LLGL1: variants seen among roughly 807,000 people sequenced by gnomAD.
LLGL1 encodes lethal(2) giant larvae protein homolog 1.
LLGL1 carries 58 observed loss-of-function variants against 110.6 expected under a neutral mutation model. The ratio of observed to expected loss-of-function variants is 0.52; its 90% CI spans 0.42 to 0.65. LLGL1 has a LOEUF of 0.65. Among genes scored for constraint, LLGL1 ranks in the 30% least tolerant of loss-of-function variants. The pLI is 0.00. For missense variants in LLGL1, 1,229 were observed against 1,462.1 expected, an observed-to-expected ratio of 0.84 and a Z score of 2.60; for synonymous variants, 674 against 607.2, an observed-to-expected ratio of 1.11 and a Z score of -1.62.
chr17:18,234,236 C>T, intron 6 of LLGL1, 37 bp from the exon 7 acceptor site: 1 of 1,596,844 alleles, frequency 6.3e-7, no homozygotes, highest in Non-Finnish European at 8.5e-7. Flanking sequence ...CACCATGGCT[C>T]ATGCCTGCCT....
In LLGL1 at chr17:18,241,594, C is replaced by T. The variant is rs377161840; in HGVS notation, c.2646C>T (p.Thr882=). ...CTGAGACCTGCCTGGCCTGCCTCAC[C>T]AACCTGGGTGACGTCCACGTCTTCT... is the stretch of plus-strand genomic sequence containing the variant. ...DYAETCLACL[T]NLGDVHVFSV... The change falls in exon 18 of 23, where the codon ACC becomes ACT. Residue 882 remains threonine (T), a synonymous_variant. Coordinates refer to ENST00000316843, the MANE Select transcript of LLGL1 (RefSeq NM_004140.4). The T allele has an allele frequency of 8.7e-5, 141 of 1,613,736 alleles. No homozygotes were observed. The highest frequency in any genetic ancestry group is 1.2e-4 in the Admixed American group (7 of 60,010).
chr17:18,234,039 A>G lies in LLGL1; in HGVS notation c.578A>G (p.Lys193Arg). ...GTGCCAGACGACTACCGCTGTGGGAAGGCACTGGGCCCCGTGGAGTCACTC... is the reference window on the plus strand; with the variant it reads ...GTGCCAGACGACTACCGCTGTGGGAGGGCACTGGGCCCCGTGGAGTCACTC... The part of the protein sequence containing the change: ...RSVPDDYRCG[K>R]ALGPVESLQG... The change falls in exon 6 of 23, where the codon AAG (lysine) becomes AGG (arginine). Residue 193 changes from lysine to arginine, a missense_variant. Physicochemically the swap from Lys to Arg is conservative, Grantham distance 26. Transcript: ENST00000316843. The G allele has an allele frequency of 6.3e-7, 1 of 1,595,848 alleles. No individual in the cohort carries two copies. The highest frequency in any genetic ancestry group is 8.6e-7 in the Non-Finnish European group (1 of 1,167,584).
At position 18,232,695 on chromosome 17, in the gene LLGL1, T is replaced by A; in HGVS notation, c.285T>A (p.Asp95Glu). ...TGQGRLLSLL[D>E]DSSLHLWEIV... ...AGGGCCGCCTCCTGTCCCTGCTTGA[T>A]GACAGCAGTCTGCATCTCTGGGAGA... Residue 95 changes from aspartate (D) to glutamate (E), a missense_variant, in exon 4 of 23, where the codon GAT becomes GAA. Transcript: ENST00000316843. 2 of 1,614,186 alleles carry A rather than the reference T, an allele frequency of 1.2e-6. No individual in the cohort carries two copies. The highest frequency in any genetic ancestry group is 1.7e-6 in the Non-Finnish European group (2 of 1,180,012).
intron 2 of LLGL1, among the ~76,000 whole-genome samples, chr17:18,230,482 G>C (rs1297318447): frequency 3.3e-4 from 50 of 152,120 alleles, no homozygotes; most frequent in Non-Finnish European, 4.4e-5. Flanking sequence ...GGCAGTGCCA[G>C]GCTCGGCATG....
rs753445679 is a variant in LLGL1, at chr17:18,235,058, G to A, written c.1061-31G>A. On this transcript the variant is annotated intron_variant, in intron 9 of 22. Coordinates refer to ENST00000316843, the MANE Select transcript of LLGL1 (RefSeq NM_004140.4). ...CTGGTGCCCTCTGCCACCTATGGCT[G>A]TGCTCACCCCATACTCCCTCCGTCC... 7 of 1,613,616 alleles carry A rather than the reference G, an allele frequency of 4.3e-6. No individual in the cohort carries two copies. In the Admixed American group the frequency reaches 1.0e-4, roughly 23 times the overall value.
intron 1 of LLGL1, among the ~76,000 whole-genome samples, 192 bp from the exon 2 acceptor site, chr17:18,229,749 C>T (rs1301017990): frequency 1.3e-5 from 2 of 152,188 alleles, no homozygotes; most frequent in African/African-American, 2.4e-5. Context: ...GTTTAGCCAC[C>T]TCCCCACCAA....
intron 1 of LLGL1, among the ~76,000 whole-genome samples, chr17:18,229,094 G>C (rs945846033): frequency 6.6e-6 from 1 of 152,188 alleles, no homozygotes; most frequent in South Asian, 2.1e-4. Context: ...AGTGGCCCAC[G>C]TGGGTGTCCT....
At chr17:18,230,761 C>T (rs769561684) in intron 2 of LLGL1, among the ~76,000 whole-genome samples, 4 of 152,126 alleles carry the variant, frequency 2.6e-5, no homozygotes, top group Non-Finnish European at 4.4e-5. Context: ...TGGTTTCAGA[C>T]ATCAGTTCCC....
chr17:18,227,067 C>T (rs926350895), intron 1 of LLGL1, among the ~76,000 whole-genome samples: 1 of 152,184 alleles, frequency 6.6e-6, no homozygotes, highest in African/African-American at 2.4e-5. Context: ...TGGTCCTGGG[C>T]CAGTGTTGTG....
At chr17:18,242,968 G>A (rs2047880735) in intron 22 of LLGL1, 146 bp downstream of exon 22, 1 of 740,644 alleles carries the variant, frequency 1.4e-6, no homozygotes, top group Admixed American at 3.0e-5. Flanking sequence ...TGCCTTCCAT[G>A]GAGTGCCTCA....
chr17:18,242,222 T>A lies in LLGL1; in HGVS notation c.2939T>A (p.Leu980Gln). The change falls in exon 20 of 23, where the codon CTG (leucine) becomes CAG (glutamine). Residue 980 changes from leucine (L) to glutamine (Q), a missense_variant. Transcript: ENST00000316843. ...LSQANGTPSI[L>Q]LAPQSLDGSP... ...CAGGCTAACGGGACCCCAAGCATCC[T>A]GCTGGCCCCACAGAGCCTTGATGGA... The A allele has an allele frequency of 6.2e-7, 1 of 1,614,066 alleles. No homozygotes were observed. The highest frequency in any genetic ancestry group is 8.5e-7 in the Non-Finnish European group (1 of 1,180,000).
Position 18,240,501 on chromosome 17 carries a change from C to T in LLGL1, c.2207-77C>T. 1 of 1,465,678 alleles carries T rather than the reference C, an allele frequency of 6.8e-7. No homozygotes were observed. The highest frequency in any genetic ancestry group is 1.4e-5 in the African/African-American group (1 of 71,362). The allele number at this position is 1,465,678 out of a possible 1,614,324, so 90.8% of individuals were successfully genotyped here. ...GGGCTACAAGAGAGGCAGGGAGGGA[C>T]CTGCAGTCTGTGGGAAGACCCCAGG... On this transcript the variant is annotated intron_variant, in intron 16 of 22. Transcript: ENST00000316843. The surrounding 1 kb of genome is among the most constrained non-coding windows in gnomAD (Gnocchi z 5.3).
In LLGL1 at chr17:18,232,588, C is replaced by T. The variant is rs755302101; in HGVS notation, c.261+12C>T. The T allele has an allele frequency of 1.9e-6, 3 of 1,614,066 alleles. No homozygotes were observed. The highest frequency in any genetic ancestry group is 2.2e-5 in the South Asian group (2 of 91,064). On this transcript the variant is annotated intron_variant, in intron 3 of 22. Coordinates refer to ENST00000316843, the MANE Select transcript of LLGL1 (RefSeq NM_004140.4). Reference sequence around the variant, plus strand: ...TCTTGACCGGCCAGGTGAGCCTCTGCTTCCCACTAGCCAGCTCCCTGTGGC... The same window carrying T: ...TCTTGACCGGCCAGGTGAGCCTCTGTTTCCCACTAGCCAGCTCCCTGTGGC...
chr17:18,243,091 A>ATTTGT (rs144502873), intron 22 of LLGL1, among the ~76,000 whole-genome samples: 3,667 of 151,312 alleles, frequency 0.024, 110 homozygotes, highest in African/African-American at 0.068. Context: ...ACAAGACCAG[A>ATTTGT]TTTGTTTTGT....
rs2047965275 is a variant in LLGL1 at position 18,244,809 on chromosome 17, G to T, written c.*903G>T. 5 of 330,356 alleles carry T rather than the reference G, an allele frequency of 1.5e-5. No homozygotes were observed. The highest frequency in any genetic ancestry group is 1.6e-5 in the Non-Finnish European group (3 of 183,814). 20.5% of individuals were successfully genotyped at this position (330,356 alleles called of 1,614,324 possible). ...TTTTTCTGTCGTTTTGTTAAAATTA[G>T]CGCCATTTTAATATTAAAAATACTG... On this transcript the variant is annotated 3_prime_UTR_variant, in exon 23 of 23. Coordinates refer to ENST00000316843, the MANE Select transcript of LLGL1 (RefSeq NM_004140.4).
intron 1 of LLGL1, among the ~76,000 whole-genome samples, chr17:18,227,171 G>A (rs1168093091): frequency 2.0e-5 from 3 of 152,152 alleles, no homozygotes; most frequent in Non-Finnish European, 4.4e-5. Flanking sequence ...GGATGTCTCA[G>A]GGTTTCCCTG....
In LLGL1 at chr17:18,244,318, T is replaced by C. The variant is rs1235296658; in HGVS notation, c.*412T>C. 1 of 151,244 alleles carries C rather than the reference T, an allele frequency of 6.6e-6. No individual in the cohort carries two copies. Among genetic ancestry groups the C allele is most frequent in the Non-Finnish European group, 1.5e-5 (1 of 67,874 alleles). 9.4% of individuals were successfully genotyped at this position (151,244 alleles called of 1,614,324 possible). ...GTGCAGTGGCCCCATCTCTGCTCAC[T>C]GCAAGCCCCGCCTTCTGGGTTCCCG... is the stretch of plus-strand genomic sequence containing the variant. On this transcript the variant is annotated 3_prime_UTR_variant, in exon 23 of 23. Coordinates refer to ENST00000316843, the MANE Select transcript of LLGL1 (RefSeq NM_004140.4).
At position 18,240,215 on chromosome 17, in the gene LLGL1, G is replaced by A. The variant is rs1333728742; in HGVS notation, c.2207-363G>A. 6.6e-6 allele frequency among the ~76,000 whole-genome samples: 1 copy of A among 152,132 alleles called. No individual in the cohort carries two copies. Among genetic ancestry groups the A allele is most frequent in the Non-Finnish European group, 1.5e-5 (1 of 68,002 alleles). ...TTGTGGGGCTTGGGGCCTGAGTGAT[G>A]CTAGGATGGAGCTGCGTTTACTGAG... is the stretch of plus-strand genomic sequence containing the variant. On this transcript the variant is annotated intron_variant, in intron 16 of 22. Coordinates refer to ENST00000316843, the MANE Select transcript of LLGL1 (RefSeq NM_004140.4). The surrounding 1 kb of genome is among the most constrained non-coding windows in gnomAD (Gnocchi z 5.3).
intron 7 of LLGL1, 26 bp downstream of exon 7, chr17:18,234,434 G>A (rs1471842495): frequency 1.2e-6 from 2 of 1,607,796 alleles, no homozygotes; most frequent in Middle Eastern, 1.7e-4. Context: ...ACCTTAGCCA[G>A]AGGGTGGTGA....
Sources: allele counts gnomAD v4.1 joint callset (sites outside exome capture counted in the v4.1 genomes callset), GRCh38; gene constraint gnomAD v4.1.1; non-coding constraint Gnocchi (gnomAD v3.1); transcripts MANE v1.5; gene names NCBI Gene and HGNC (gene_info 2026-07-23, HGNC 2026-07-21).